The following FGF18 variants were observed in gnomAD, a reference collection of about 807,000 sequenced individuals.
FGF18 encodes the protein fibroblast growth factor 18.
In FGF18, 5 loss-of-function variants were observed where a neutral mutation model predicts 23.0. The observed-to-expected ratio is 0.22, with a 90% CI of 0.11 to 0.46. The LOEUF is 0.46. Ranked by LOEUF, FGF18 falls within the 20% of genes least tolerant of loss-of-function variation. FGF18 has a pLI of 0.99. For missense variants in FGF18, 180 were observed against 291.6 expected (o/e 0.62, Z 2.79); for synonymous variants, 117 against 118.9 (o/e 0.98, Z 0.10).
chr5:171,424,859 G>T (rs570391758), intron 2 of FGF18, among the ~76,000 whole-genome samples: 1 of 151,908 alleles, frequency 6.6e-6, no homozygotes, highest in Non-Finnish European at 1.5e-5. Context: ...GGAAGGGGGA[G>T]GGGGAGGGGA....
intron 2 of FGF18, among the ~76,000 whole-genome samples, chr5:171,423,814 G>A: frequency 6.8e-6 from 1 of 146,722 alleles, no homozygotes; most frequent in East Asian, 2.0e-4. Context: ...TGTCACCCAG[G>A]CTGGAGTGCA....
Position 171,456,654 on chromosome 5 carries a change from G to A in FGF18, c.473G>A (p.Arg158Gln), listed in dbSNP as rs1048603540. Residue 158 changes from arginine (R) to glutamine (Q), a missense_variant, in exon 5 of 5, where the codon CGG becomes CAG. By Grantham distance (43) the Arg-to-Gln change is conservative. Coordinates refer to ENST00000274625, the MANE Select transcript of FGF18 (RefSeq NM_003862.3). The surrounding 1 kb of genome is among the most constrained non-coding windows in gnomAD (Gnocchi z 6.1). ...TACGTGGGCTTCACCAAGAAGGGGC[G>A]GCCGCGGAAGGGCCCCAAGACCCGG... Reference protein sequence around the residue: ...GWYVGFTKKGRPRKGPKTREN... With the variant: ...GWYVGFTKKGQPRKGPKTREN... 6.2e-6 allele frequency: 10 copies of A among 1,613,882 alleles called. No individual in the cohort carries two copies. Among genetic ancestry groups the A allele is most frequent in the Admixed American group, 1.7e-5 (1 of 59,992 alleles).
chr5:171,424,332 C>T (rs1490703879), intron 2 of FGF18, among the ~76,000 whole-genome samples: 5 of 152,212 alleles, frequency 3.3e-5, no homozygotes, highest in South Asian at 4.1e-4. Context: ...GTCCCAGGAG[C>T]AGTGATTTGC....
chr5:171,429,095 A>G (rs1346193816), intron 2 of FGF18, among the ~76,000 whole-genome samples: 1 of 152,148 alleles, frequency 6.6e-6, no homozygotes, highest in African/African-American at 2.4e-5. Flanking sequence ...GCGGAGTGTC[A>G]CAGGAAAGAG....
chr5:171,429,303 T>A (rs1772143869), intron 2 of FGF18, among the ~76,000 whole-genome samples: 1 of 152,246 alleles, frequency 6.6e-6, no homozygotes, highest in Non-Finnish European at 1.5e-5. Context: ...TCTTCCTTTG[T>A]CACCTGGAAC....
At position 171,440,709 on chromosome 5, in the gene FGF18, G is replaced by A. The variant is rs992027525; in HGVS notation, c.250+4436G>A. Among the ~76,000 whole-genome samples the A allele has an allele frequency of 6.6e-6, 1 of 152,138 alleles. No homozygotes were observed. Among genetic ancestry groups the A allele is most frequent in the African/African-American group, 2.4e-5 (1 of 41,406 alleles). On this transcript the variant is annotated intron_variant, in intron 3 of 4. Coordinates refer to ENST00000274625, the MANE Select transcript of FGF18 (RefSeq NM_003862.3). This position sits in a 1 kb window ranked among gnomAD's most constrained non-coding sequence, Gnocchi z 4.0. ...TGGGTGGGGTAAAGGGTGTGCAGCT[G>A]GTACTTTGCAGCTTCCTCCAGCTCA... is the stretch of plus-strand genomic sequence containing the variant.
intron 2 of FGF18, among the ~76,000 whole-genome samples, chr5:171,435,490 C>G (rs1278927257): frequency 6.6e-6 from 1 of 152,120 alleles, no homozygotes; most frequent in East Asian, 1.9e-4. Context: ...TAGAGGAGCT[C>G]AGGATGTGGG....
chr5:171,445,115 G>A (rs1236049876), intron 3 of FGF18, among the ~76,000 whole-genome samples: 2 of 152,126 alleles, frequency 1.3e-5, no homozygotes, highest in Non-Finnish European at 2.9e-5. Context: ...GAGATGAGGA[G>A]CCACTCTGGA....
rs977378302 is a variant in FGF18 at position 171,449,154 on chromosome 5, C to T, written c.258C>T (p.Leu86=). ...TCCTTCTGCCTTTCGAAGCCCAGCT[C>T]CTAGTGGAGACAGACACCTTCGGTA... ...RGEDGDKYAQ[L]LVETDTFGSQ... Residue 86 remains leucine (L), a synonymous_variant, in exon 4 of 5, where the codon CTC becomes CTT. Transcript: ENST00000274625. 2 of 1,613,358 alleles carry T rather than the reference C, an allele frequency of 1.2e-6. No individual in the cohort carries two copies. The highest frequency in any genetic ancestry group is 4.5e-5 in the East Asian group (2 of 44,864).
chr5:171,453,328 G>A (rs1772541890), intron 4 of FGF18, among the ~76,000 whole-genome samples: 1 of 152,192 alleles, frequency 6.6e-6, no homozygotes, highest in Non-Finnish European at 1.5e-5. Context: ...CCCAAGATTC[G>A]TGAATTTCAG....
intron 3 of FGF18, among the ~76,000 whole-genome samples, chr5:171,446,856 G>A (rs139792977): frequency 6.6e-6 from 1 of 152,106 alleles, no homozygotes; most frequent in African/African-American, 2.4e-5. Context: ...GGCATTTTCT[G>A]GTCCATTTTG....
At chr5:171,442,785 C>T (rs1197814931) in intron 3 of FGF18, among the ~76,000 whole-genome samples, 7 of 152,188 alleles carry the variant, frequency 4.6e-5, no homozygotes, top group African/African-American at 1.4e-4. Flanking sequence ...GTCTTCACAG[C>T]GAGGCCCCGG....
intron 3 of FGF18, among the ~76,000 whole-genome samples, chr5:171,445,972 GTCTC>G (rs1399679737): frequency 6.6e-6 from 1 of 152,128 alleles, no homozygotes; most frequent in Non-Finnish European, 1.5e-5. Flanking sequence ...CCTGGGTGGT[GTCTC>G]TCTCTTCTCC....
At position 171,436,095 on chromosome 5, in the gene FGF18, G is replaced by A; in HGVS notation, c.72G>A (p.Val24=). 1 of 1,547,566 alleles carries A rather than the reference G, an allele frequency of 6.5e-7. No homozygotes were observed. The change falls in exon 3 of 5, where the codon GTG becomes GTA. Residue 24 remains valine, a splice_region_variant and synonymous_variant. Transcript: ENST00000274625. This position sits in a 1 kb window ranked among gnomAD's most constrained non-coding sequence, Gnocchi z 4.4. ...HFLLLCFQVQ[V]LVAEENVDFR... is the part of the protein sequence containing the mutation. ...ACTGTGTCCTTTTCCCTGCCCAGGT[G>A]CTGGTTGCCGAGGAGAACGTGGACT...
chr5:171,442,305 A>T (rs1772358763), intron 3 of FGF18, among the ~76,000 whole-genome samples: 1 of 152,192 alleles, frequency 6.6e-6, no homozygotes, highest in South Asian at 2.1e-4. Context: ...AAGCGTCTCC[A>T]GAAAGGATAC....
rs1372038917 is a variant in FGF18 at position 171,451,762 on chromosome 5, C to T, written c.357+2509C>T. 2.0e-5 allele frequency among the ~76,000 whole-genome samples: 3 copies of T among 152,202 alleles called. No homozygotes were observed. The highest frequency in any genetic ancestry group is 4.4e-5 in the Non-Finnish European group (3 of 68,040). On this transcript the variant is annotated intron_variant, in intron 4 of 4. Transcript: ENST00000274625. The surrounding 1 kb of genome is among the most constrained non-coding windows in gnomAD (Gnocchi z 4.5). Reference sequence around the variant, plus strand: ...GCTCCAGATGCGTGGCACTGAGCACCGCTGTTCCATGGACGGGGCCTTCGG... The same window carrying T: ...GCTCCAGATGCGTGGCACTGAGCACTGCTGTTCCATGGACGGGGCCTTCGG...
At chr5:171,449,308 G>A in intron 4 of FGF18, 55 bp downstream of exon 4, 1 of 1,231,608 alleles carries the variant, frequency 8.1e-7, no homozygotes, top group Non-Finnish European at 1.2e-6. Context: ...GGCAGCTCTG[G>A]GAGCTGGAAC....
intron 2 of FGF18, among the ~76,000 whole-genome samples, chr5:171,432,586 T>C (rs1480210313): frequency 2.6e-5 from 4 of 152,064 alleles, no homozygotes; most frequent in Admixed American, 1.3e-4. Flanking sequence ...TTTTTGTATT[T>C]TCAGTAGAGA....
intron 2 of FGF18, among the ~76,000 whole-genome samples, chr5:171,424,520 T>C (rs990190617): frequency 1.3e-5 from 2 of 152,242 alleles, no homozygotes; most frequent in African/African-American, 4.8e-5. Context: ...AGATGCTGGA[T>C]TCAAGATCTT....
Sources: gnomAD v4.1 joint callset for allele counts (sites outside exome capture counted in the v4.1 genomes callset) on GRCh38, gnomAD v4.1.1 for gene constraint, Gnocchi (gnomAD v3.1) non-coding constraint, MANE v1.5 for transcripts, NCBI Gene and HGNC (gene_info 2026-07-23, HGNC 2026-07-21) for gene names.